Variants in MECOM observed in about 807,000 individuals in gnomAD.
MECOM encodes the protein histone-lysine N-methyltransferase MECOM.
A neutral mutation model predicts 116.3 loss-of-function variants in MECOM; 13 were observed. That is an observed-to-expected ratio of 0.11 (90% CI 0.07 to 0.18). The LOEUF (loss-of-function observed/expected upper bound fraction) is 0.18, where lower values mean the gene tolerates loss of function less well. MECOM is among the 10% of genes least tolerant of loss of function. The pLI is 1.00. For missense variants in MECOM, 1,299 were observed against 1,509.0 expected (o/e 0.86, Z 2.31); for synonymous variants, 528 against 535.2 (o/e 0.99, Z 0.19).
chr3:169,606,477 G>A (rs1475714181), intron 1 of MECOM, among the ~76,000 whole-genome samples: 1 of 152,052 alleles, frequency 6.6e-6, no homozygotes, highest in Non-Finnish European at 1.5e-5. Flanking sequence ...TGATAAACGT[G>A]TTGGTGTGCT....
chr3:169,100,390 T>A (rs1261939506), intron 12 of MECOM, among the ~76,000 whole-genome samples: 1 of 152,070 alleles, frequency 6.6e-6, no homozygotes, highest in Non-Finnish European at 1.5e-5. Flanking sequence ...TCAGCCACCA[T>A]GCCCAGCCTA....
intron 1 of MECOM, among the ~76,000 whole-genome samples, chr3:169,538,680 A>G (rs373180081): frequency 3.5e-4 from 53 of 152,280 alleles, no homozygotes; most frequent in Non-Finnish European, 7.1e-4. Flanking sequence ...AAAGCAATGG[A>G]TTTCTTCCTC....
chr3:169,441,694 C>A (rs1743699479), intron 1 of MECOM, among the ~76,000 whole-genome samples: 1 of 147,614 alleles, frequency 6.8e-6, no homozygotes, highest in South Asian at 2.2e-4. Context: ...ATAAAAGATG[C>A]TTTTTTTAGC....
intron 2 of MECOM, among the ~76,000 whole-genome samples, chr3:169,353,807 A>G (rs759927373): frequency 3.9e-5 from 6 of 151,922 alleles, no homozygotes; most frequent in African/African-American, 7.2e-5. Context: ...GTAAACTGAC[A>G]TGTTGTGAAG....
chr3:169,372,603 T>TAA (rs1331288322), intron 2 of MECOM, among the ~76,000 whole-genome samples: 1 of 152,054 alleles, frequency 6.6e-6, no homozygotes, highest in African/African-American at 2.4e-5. Context: ...AAAAGAGCAA[T>TAA]AACTTATAAA....
chr3:169,486,019 T>C (rs1429396725), intron 1 of MECOM, among the ~76,000 whole-genome samples: 9 of 122,184 alleles, frequency 7.4e-5, no homozygotes, highest in South Asian at 2.4e-4. Context: ...TATATATATG[T>C]ATATATAGTA....
At chr3:169,382,557 A>ATG (rs75295650) in intron 1 of MECOM, among the ~76,000 whole-genome samples, 80,744 of 151,544 alleles carry the variant, frequency 0.53, 21,936 homozygotes, top group East Asian at 0.87. Context: ...AAATGAATAC[A>ATG]TTTCTTGTCT....
intron 7 of MECOM, 101 bp downstream of exon 7, chr3:169,120,955 C>G: frequency 8.0e-7 from 1 of 1,246,550 alleles, no homozygotes; most frequent in Non-Finnish European, 1.1e-6. Context: ...ATAGCTAACA[C>G]GGTGACCCTC....
intron 2 of MECOM, among the ~76,000 whole-genome samples, chr3:169,248,387 A>T (rs1268322398): frequency 6.6e-6 from 1 of 152,244 alleles, no homozygotes; most frequent in Non-Finnish European, 1.5e-5. Flanking sequence ...TTAATCATCA[A>T]ATAAAATGGA....
At chr3:169,485,964 CT>C (rs1752220559) in intron 1 of MECOM, among the ~76,000 whole-genome samples, 23 of 94,392 alleles carry the variant, frequency 2.4e-4, no homozygotes, top group African/African-American at 8.3e-4. Flanking sequence ...TACATATATA[CT>C]ATATATACAT....
chr3:169,222,517 C>G (rs1419554169), intron 2 of MECOM, among the ~76,000 whole-genome samples: 1 of 152,166 alleles, frequency 6.6e-6, no homozygotes, highest in Non-Finnish European at 1.5e-5. Context: ...AGAGTCTGCT[C>G]TGGCAGCGGG....
chr3:169,561,351 A>G (rs183854082), intron 1 of MECOM, among the ~76,000 whole-genome samples: 56 of 152,254 alleles, frequency 3.7e-4, no homozygotes, highest in African/African-American at 1.3e-3. Flanking sequence ...AGCAATAGGG[A>G]AATAGATAAA....
At chr3:169,124,277 A>G (rs1190819189) in intron 5 of MECOM, among the ~76,000 whole-genome samples, 1 of 152,140 alleles carries the variant, frequency 6.6e-6, no homozygotes, top group East Asian at 1.9e-4. Context: ...CCACAATGAT[A>G]TAAACAGCAG....
intron 10 of MECOM, among the ~76,000 whole-genome samples, chr3:169,105,343 T>G (rs914247607): frequency 6.6e-6 from 1 of 152,156 alleles, no homozygotes; most frequent in African/African-American, 2.4e-5. Flanking sequence ...TAACACGAAC[T>G]CTATTGAGTG....
At chr3:169,335,815 A>G (rs1723498623) in intron 2 of MECOM, among the ~76,000 whole-genome samples, 1 of 152,132 alleles carries the variant, frequency 6.6e-6, no homozygotes, top group Admixed American at 6.6e-5. Context: ...ATTCATTATT[A>G]TGATTGCATT....
chr3:169,251,766 C>A (rs1274519148), intron 2 of MECOM, among the ~76,000 whole-genome samples: 1 of 152,126 alleles, frequency 6.6e-6, no homozygotes, highest in African/African-American at 2.4e-5. Flanking sequence ...CACACTACTG[C>A]TTGCAAAGTG....
At chr3:169,622,635 C>T (rs1770893055) in intron 1 of MECOM, among the ~76,000 whole-genome samples, 1 of 152,222 alleles carries the variant, frequency 6.6e-6, no homozygotes, top group Non-Finnish European at 1.5e-5. Context: ...TCCTGAGACA[C>T]TTTTGTCAGA....
chr3:169,245,075 G>A (rs1046284737), intron 2 of MECOM, among the ~76,000 whole-genome samples: 1 of 152,138 alleles, frequency 6.6e-6, no homozygotes, highest in Non-Finnish European at 1.5e-5. Context: ...AGAATCATAT[G>A]ACTCCTTTAT....
chr3:169,181,804 T>C (rs1300268350), intron 2 of MECOM, among the ~76,000 whole-genome samples: 1 of 152,174 alleles, frequency 6.6e-6, no homozygotes, highest in African/African-American at 2.4e-5. Flanking sequence ...AGCAGGATTA[T>C]GGAGTCAGGC....
Sources: allele counts gnomAD v4.1 joint callset (sites outside exome capture counted in the v4.1 genomes callset), GRCh38; gene constraint gnomAD v4.1.1; transcripts MANE v1.5; gene names NCBI Gene and HGNC (gene_info 2026-07-23, HGNC 2026-07-21).